Variants in LDB2 observed in about 807,000 individuals in gnomAD.
LDB2 encodes LIM domain-binding protein 2.
Under a neutral mutation model 44.3 loss-of-function variants are expected in LDB2, and 12 were observed. That is an observed-to-expected ratio of 0.27 (90% CI 0.17 to 0.44). The LOEUF (loss-of-function observed/expected upper bound fraction) is 0.44. Among genes scored for constraint, LDB2 ranks in the 20% least tolerant of loss-of-function variants. The pLI is 1.00. For missense variants in LDB2, 344 were observed against 473.5 expected (o/e 0.73, Z 2.54); for synonymous variants, 164 against 174.8 (o/e 0.94, Z 0.49).
At chr4:16,521,113 G>C (rs1725916860) in intron 5 of LDB2, among the ~76,000 whole-genome samples, 2 of 152,188 alleles carry the variant, frequency 1.3e-5, no homozygotes, top group Admixed American at 1.3e-4. Flanking sequence ...GGAGATTAGA[G>C]AGAAGCAGGT....
chr4:16,672,828 C>CTTCTTTCTTTCT (rs1553955152), intron 2 of LDB2, among the ~76,000 whole-genome samples: 1 of 147,008 alleles, frequency 6.8e-6, no homozygotes, highest in Non-Finnish European at 1.5e-5. Flanking sequence ...GCCTGCCTGC[C>CTTCTTTCTTTCT]TTCTTTCCTT....
At chr4:16,827,255 A>G (rs1275719827) in intron 1 of LDB2, among the ~76,000 whole-genome samples, 2 of 152,226 alleles carry the variant, frequency 1.3e-5, no homozygotes, top group Non-Finnish European at 2.9e-5. Context: ...CATTGCAGAG[A>G]CAGCAGGAGG....
Position 16,526,361 on chromosome 4 carries a change from C to A in LDB2, c.616-14257G>T, listed in dbSNP as rs1315183446. On this transcript the variant is annotated intron_variant, in intron 5 of 7. Transcript: ENST00000304523. ...TCCCCCGACCCCCACCTCTCAGGTTCTCAGACCTTCGGTCTGGGAGTGAGA... is the reference window on the plus strand; with the variant it reads ...TCCCCCGACCCCCACCTCTCAGGTTATCAGACCTTCGGTCTGGGAGTGAGA... Among the ~76,000 whole-genome samples, 3 of 152,214 alleles carry A rather than the reference C, an allele frequency of 2.0e-5. No homozygotes were observed. In the East Asian group the frequency reaches 5.8e-4, roughly 29 times the overall value.
chr4:16,520,285 A>G (rs1381484006), intron 5 of LDB2, among the ~76,000 whole-genome samples: 11 of 118,872 alleles, frequency 9.3e-5, no homozygotes, highest in Non-Finnish European at 1.7e-4. Context: ...GAAAAAATAT[A>G]TGGAATCTAA....
chr4:16,816,731 C>T (rs1274246992), intron 1 of LDB2, among the ~76,000 whole-genome samples: 2 of 152,174 alleles, frequency 1.3e-5, no homozygotes, highest in African/African-American at 4.8e-5. Context: ...TTTTCTCTGA[C>T]AACAGCTTCT....
intron 1 of LDB2, among the ~76,000 whole-genome samples, chr4:16,809,062 C>T (rs1460067723): frequency 6.6e-6 from 1 of 152,158 alleles, no homozygotes; most frequent in Non-Finnish European, 1.5e-5. Context: ...TGTATCTCTA[C>T]TCTCTTTTTC....
At chr4:16,831,860 G>C (rs1335036211) in intron 1 of LDB2, among the ~76,000 whole-genome samples, 1 of 152,056 alleles carries the variant, frequency 6.6e-6, no homozygotes, top group Admixed American at 6.5e-5. Context: ...AAAGTGAAGA[G>C]GCACATCCCT....
chr4:16,867,543 T>G (rs573253380), intron 1 of LDB2, among the ~76,000 whole-genome samples: 2 of 152,222 alleles, frequency 1.3e-5, no homozygotes, highest in South Asian at 4.2e-4. Flanking sequence ...AGAGAACCAC[T>G]AAGGTACAGG....
chr4:16,662,734 G>T (rs1187991867), intron 2 of LDB2, among the ~76,000 whole-genome samples: 4 of 151,830 alleles, frequency 2.6e-5, no homozygotes, highest in African/African-American at 7.3e-5. Context: ...ATGCTCTCTT[G>T]CCTGTTGCCA....
chr4:16,850,345 C>T (rs903481121), intron 1 of LDB2, among the ~76,000 whole-genome samples: 12 of 151,998 alleles, frequency 7.9e-5, no homozygotes, highest in Non-Finnish European at 1.6e-4. Context: ...TTGAGCTTAG[C>T]TGAGGTTCAA....
intron 1 of LDB2, among the ~76,000 whole-genome samples, chr4:16,781,882 G>A (rs189785775): frequency 6.6e-6 from 1 of 152,176 alleles, no homozygotes; most frequent in African/African-American, 2.4e-5. Flanking sequence ...TGGAGGTAAA[G>A]GTTGGAGTGT....
chr4:16,817,099 T>C (rs1458630733), intron 1 of LDB2, among the ~76,000 whole-genome samples: 5 of 152,168 alleles, frequency 3.3e-5, no homozygotes, highest in Admixed American at 3.3e-4. Context: ...TTGAGCACAA[T>C]ACCAGGCATG....
Position 16,582,775 on chromosome 4 carries a change from A to G in LDB2, c.615+3147T>C, listed in dbSNP as rs1715238054. ...TGAGACCGCACTGTGACAGGGCGCC[A>G]TCTCTGCAGGCTCAGCGGCTTCCAG... is the stretch of plus-strand genomic sequence containing the variant. On this transcript the variant is annotated intron_variant, in intron 5 of 7. Coordinates refer to ENST00000304523, the MANE Select transcript of LDB2 (RefSeq NM_001290.5). The surrounding 1 kb of genome is among the most constrained non-coding windows in gnomAD (Gnocchi z 4.8). Among the ~76,000 whole-genome samples, 1 of 152,126 alleles carries G rather than the reference A, an allele frequency of 6.6e-6. No homozygotes were observed. Among genetic ancestry groups the G allele is most frequent in the African/African-American group, 2.4e-5 (1 of 41,432 alleles).
chr4:16,549,967 G>T (rs1737078802), intron 5 of LDB2, among the ~76,000 whole-genome samples: 1 of 152,222 alleles, frequency 6.6e-6, no homozygotes, highest in Admixed American at 6.5e-5. Context: ...GTGATCACCA[G>T]TGTTAGATGT....
chr4:16,506,233 C>T (rs939764245), intron 7 of LDB2: 8 of 402,194 alleles, frequency 2.0e-5, no homozygotes, highest in African/African-American at 1.4e-4. Context: ...GTCCATTCAA[C>T]TCCAGGACAC....
chr4:16,748,618 C>T (rs1310352674), intron 2 of LDB2, among the ~76,000 whole-genome samples: 2 of 152,218 alleles, frequency 1.3e-5, no homozygotes, highest in East Asian at 3.9e-4. Flanking sequence ...AGTTCTAAAA[C>T]ATGACATGAA....
chr4:16,631,041 C>G (rs1449066005), intron 2 of LDB2, among the ~76,000 whole-genome samples: 1 of 152,134 alleles, frequency 6.6e-6, no homozygotes, highest in Non-Finnish European at 1.5e-5. Context: ...ACAAAATGAA[C>G]AAGGATATCC....
At chr4:16,863,656 CTTTTTTTT>C (rs143950913) in intron 1 of LDB2, among the ~76,000 whole-genome samples, 3 of 91,956 alleles carry the variant, frequency 3.3e-5, no homozygotes, top group African/African-American at 4.5e-5. Context: ...CTCACATTCT[CTTTTTTTT>C]TTTTTTTTTT....
chr4:16,669,039 A>G (rs1744053442), intron 2 of LDB2, among the ~76,000 whole-genome samples: 1 of 152,232 alleles, frequency 6.6e-6, no homozygotes. Flanking sequence ...CAGACTGAGC[A>G]TAAGCTTAGG....
Sources: allele counts gnomAD v4.1 joint callset (sites outside exome capture counted in the v4.1 genomes callset), GRCh38; gene constraint gnomAD v4.1.1; non-coding constraint Gnocchi (gnomAD v3.1); transcripts MANE v1.5; gene names NCBI Gene and HGNC (gene_info 2026-07-23, HGNC 2026-07-21).